Variants in DACT1 observed in about 807,000 individuals in gnomAD.
The protein encoded by DACT1 is dapper homolog 1.
In DACT1, 19 loss-of-function variants were observed where a neutral mutation model predicts 35.3. The ratio of observed to expected loss-of-function variants is 0.54; its 90% CI spans 0.38 to 0.79. The LOEUF is 0.79. DACT1 is among the 30% of genes least tolerant of loss of function. The pLI is 0.00. For synonymous variants in DACT1, 545 were observed against 466.7 expected (o/e 1.17, Z -2.16); for missense variants, 1,143 against 1,057.5 (o/e 1.08, Z -1.12).
At chr14:58,644,390 T>A (rs905812518) in intron 3 of DACT1, among the ~76,000 whole-genome samples, 1 of 152,196 alleles carries the variant, frequency 6.6e-6, no homozygotes, top group African/African-American at 2.4e-5. Context: ...ATTAAAAAAG[T>A]TTTTTTAAAT....
intron 3 of DACT1, among the ~76,000 whole-genome samples, chr14:58,643,880 A>G (rs1041710962): frequency 5.3e-5 from 8 of 150,758 alleles, no homozygotes; most frequent in African/African-American, 1.9e-4. Flanking sequence ...CAAGCTCTTT[A>G]TTGGGGGGGG....
At position 58,647,157 on chromosome 14, in the gene DACT1, T is replaced by C. The variant is rs746718663; in HGVS notation, c.*23T>C. 42 of 1,591,378 alleles carry C rather than the reference T, an allele frequency of 2.6e-5. No homozygotes were observed. Among genetic ancestry groups the C allele is most frequent in the Non-Finnish European group, 3.6e-5 (42 of 1,174,380 alleles). On this transcript the variant is annotated 3_prime_UTR_variant, in exon 4 of 4. Transcript: ENST00000395153. ...TGAGTGACATCATTGGTGTAGAAAG[T>C]TTGTGTGTTTTTTTTTCTTCTCCCT...
Position 58,646,336 on chromosome 14 carries a change from G to A in DACT1, c.1602G>A (p.Arg534=), listed in dbSNP as rs371037162. 2.2e-5 allele frequency: 36 copies of A among 1,608,734 alleles called. No homozygotes were observed. The African/African-American group carries it at 4.4e-4, about 20-fold the overall frequency. ...AGCAGCCCAGTGTCAGGCTCCACCGGGGCCACAGGAACATGGGCGTCGTGA... is the reference window on the plus strand; with the variant it reads ...AGCAGCCCAGTGTCAGGCTCCACCGAGGCCACAGGAACATGGGCGTCGTGA... The part of the protein sequence containing the change: ...PGQQPSVRLH[R]GHRNMGVVKN... The change falls in exon 4 of 4, where the codon CGG becomes CGA. Residue 534 remains arginine (R), a synonymous_variant. Transcript: ENST00000395153.
Position 58,646,549 on chromosome 14 carries a change from T to C in DACT1, c.1815T>C (p.Val605=), listed in dbSNP as rs1049344805. 1 of 1,555,916 alleles carries C rather than the reference T, an allele frequency of 6.4e-7. No individual in the cohort carries two copies. The highest frequency in any genetic ancestry group is 1.7e-4 in the Middle Eastern group (1 of 5,824). The change falls in exon 4 of 4, where the codon GTT becomes GTC. Residue 605 remains valine, a synonymous_variant. Transcript: ENST00000395153. ...GTGGGGGCGGGCCCGAGGCTGGTGT[T>C]CCCGGCAGGCCCGCGGGCGGGGGCC... The part of the protein sequence containing the change: ...RKSGGGPEAG[V]PGRPAGGGHR...
Position 58,645,700 on chromosome 14 carries a change from A to C in DACT1, c.966A>C (p.Arg322Ser). 6.2e-7 allele frequency: 1 copy of C among 1,614,230 alleles called. No homozygotes were observed. Among genetic ancestry groups the C allele is most frequent in the Non-Finnish European group, 8.5e-7 (1 of 1,180,044 alleles). Residue 322 changes from arginine to serine, a missense_variant, in exon 4 of 4, where the codon AGA becomes AGC. Around this residue, in one of 3 missense-constraint regions of DACT1, gnomAD observed 1,054 missense variants for 958.8 expected, o/e 1.10. Transcript: ENST00000395153. ...ACCCTGTAAGGACCAACAAACCAAG[A>C]ACCAGCGTGAACGCTGACCCCACGA... ...KTHPVRTNKP[R>S]TSVNADPTKG...
At chr14:58,637,747 G>A (rs2047584514), upstream of DACT1, among the ~76,000 whole-genome samples, 1 of 144,864 alleles carries the variant, frequency 6.9e-6, no homozygotes, top group Admixed American at 6.8e-5. Context: ...GGGCGAGGAG[G>A]CCCGCGAAGA....
At chr14:58,639,276 T>A (rs1456740679) in intron 1 of DACT1, 1 of 984,914 alleles carries the variant, frequency 1.0e-6, no homozygotes, top group African/African-American at 1.7e-5. Flanking sequence ...AGCATTTATC[T>A]TACTGGGTTT....
chr14:58,639,702 G>C (rs1403308822), intron 1 of DACT1, among the ~76,000 whole-genome samples: 2 of 152,194 alleles, frequency 1.3e-5, no homozygotes, highest in African/African-American at 2.4e-5. Context: ...TAAGTCAAAA[G>C]ACAAGAGGCG....
At position 58,645,989 on chromosome 14, in the gene DACT1, G is replaced by T. The variant is rs1335438354; in HGVS notation, c.1255G>T (p.Ala419Ser). 2 of 1,613,844 alleles carry T rather than the reference G, an allele frequency of 1.2e-6. No homozygotes were observed. The highest frequency in any genetic ancestry group is 1.7e-5 in the Admixed American group (1 of 60,028). ...TCAGAGTAAGCACCTGCCAAAAACG[G>T]CCAAGCCAGCCTCGCAAGAACATGC... ...DLQSKHLPKT[A>S]KPASQEHARC... Residue 419 changes from alanine (A) to serine (S), a missense_variant, in exon 4 of 4, where the codon GCC (alanine) becomes TCC (serine). Around this residue, in one of 3 missense-constraint regions of DACT1, gnomAD observed 1,054 missense variants for 958.8 expected, o/e 1.10. Coordinates refer to ENST00000395153, the MANE Select transcript of DACT1 (RefSeq NM_001079520.2).
At position 58,647,117 on chromosome 14, in the gene DACT1, C is replaced by G; in HGVS notation, c.2383C>G (p.Leu795Val). 6.2e-7 allele frequency: 1 copy of G among 1,614,010 alleles called. No homozygotes were observed. The highest frequency in any genetic ancestry group is 8.5e-7 in the Non-Finnish European group (1 of 1,180,010). Residue 795 changes from leucine to valine, a missense_variant, in exon 4 of 4, where the codon CTG becomes GTG. Around this residue, in one of 3 missense-constraint regions of DACT1, gnomAD observed 1,054 missense variants for 958.8 expected, o/e 1.10. Transcript: ENST00000395153. Reference protein sequence around the residue: ...ILRFRSGSLKLMTTV With the variant: ...ILRFRSGSLKVMTTV ...CCGCTTTCGGTCTGGCTCTTTGAAA[C>G]TGATGACGACGGTTTGAGTGACATC... is the stretch of plus-strand genomic sequence containing the variant.
chr14:58,638,058 C>T lies in DACT1; in HGVS notation c.-145C>T. 3.4e-6 allele frequency: 3 copies of T among 873,926 alleles called. No individual in the cohort carries two copies. The highest frequency in any genetic ancestry group is 4.4e-6 in the Non-Finnish European group (3 of 675,460). The allele number at this position is 873,926 out of a possible 1,614,324, so 54.1% of individuals were successfully genotyped here. The stretch of plus-strand genomic sequence containing the variant: ...GCAGCCGGCGGTCGCGCGCAGGACT[C>T]GAGGGCTTCTAGCCACCGTCCCCGC... On this transcript the variant is annotated 5_prime_UTR_variant, in exon 1 of 4. Coordinates refer to ENST00000395153, the MANE Select transcript of DACT1 (RefSeq NM_001079520.2).
chr14:58,646,183 G>A lies in DACT1; in HGVS notation c.1449G>A (p.Pro483=), dbSNP rs1003511594. The A allele has an allele frequency of 1.9e-6, 3 of 1,613,596 alleles. No homozygotes were observed. The highest frequency in any genetic ancestry group is 2.5e-6 in the Non-Finnish European group (3 of 1,179,884). Reference sequence around the variant, plus strand: ...AAAACAGCCTGCAGGGCGTCCCCCCGGCCACTCCTCCCCTGCTGTCTACAG... The same window carrying A: ...AAAACAGCCTGCAGGGCGTCCCCCCAGCCACTCCTCCCCTGCTGTCTACAG... The part of the protein sequence containing the change: ...SQKNSLQGVP[P]ATPPLLSTAF... The change falls in exon 4 of 4, where the codon CCG becomes CCA. Residue 483 remains proline, a synonymous_variant. Transcript: ENST00000395153.
rs144700196 is a variant in DACT1, at chr14:58,645,742, C to T, written c.1008C>T (p.Asn336=). 8.7e-5 allele frequency: 140 copies of T among 1,614,068 alleles called. 2 individuals are homozygous for T. The African/African-American group carries it at 1.3e-3, about 15-fold the overall frequency. Residue 336 remains asparagine (N), a synonymous_variant, in exon 4 of 4, where the codon AAC becomes AAT. Coordinates refer to ENST00000395153, the MANE Select transcript of DACT1 (RefSeq NM_001079520.2). ...NADPTKGLLR[N]GSVCVRAPGG... ...ACCCCACGAAAGGGCTTCTGAGGAACGGGAGCGTTTGTGTCAGAGCCCCGG... is the reference window on the plus strand; with the variant it reads ...ACCCCACGAAAGGGCTTCTGAGGAATGGGAGCGTTTGTGTCAGAGCCCCGG...
In DACT1 at chr14:58,638,069, A is replaced by G. The variant is rs879545802; in HGVS notation, c.-134A>G. 5.1e-6 allele frequency: 5 copies of G among 981,228 alleles called. No individual in the cohort carries two copies. Among genetic ancestry groups the G allele is most frequent in the Admixed American group, 4.6e-5 (1 of 21,800 alleles). 60.8% of individuals were successfully genotyped at this position (981,228 alleles called of 1,614,324 possible). On this transcript the variant is annotated 5_prime_UTR_variant, in exon 1 of 4. Coordinates refer to ENST00000395153, the MANE Select transcript of DACT1 (RefSeq NM_001079520.2). ...TCGCGCGCAGGACTCGAGGGCTTCT[A>G]GCCACCGTCCCCGCCAGCGCCGCGC...
intron 1 of DACT1, chr14:58,638,882 A>C: frequency 9.5e-7 from 1 of 1,047,166 alleles, no homozygotes; most frequent in Non-Finnish European, 1.1e-6. Context: ...AGATGAGTAT[A>C]TGCCCTCTCC....
Position 58,638,195 on chromosome 14 carries a change from T to TG in DACT1, c.-3dup. The stretch of plus-strand genomic sequence containing the variant: ...GCGGTGACGGCTCTCGCTGCCCGAC[T>TG]GGGGGCCATGAAGCCGAGTCCGGCC... On this transcript the variant is annotated 5_prime_UTR_variant, in exon 1 of 4. Transcript: ENST00000395153. 7.6e-7 allele frequency: 1 copy of TG among 1,316,078 alleles called. No homozygotes were observed. The allele number at this position is 1,316,078 out of a possible 1,614,324, so 81.5% of individuals were successfully genotyped here. A position where few individuals can be genotyped will look rare whatever the true frequency, so the allele number is the denominator to read the frequency against.
chr14:58,645,138 G>A, intron 3 of DACT1: 1 of 788,396 alleles, frequency 1.3e-6, no homozygotes, highest in Non-Finnish European at 2.0e-6. Flanking sequence ...TGGTAGGGCA[G>A]CACTTTTTAA....
upstream of DACT1, among the ~76,000 whole-genome samples, chr14:58,634,775 G>C (rs932967871): frequency 6.6e-6 from 1 of 152,230 alleles, no homozygotes; most frequent in Non-Finnish European, 1.5e-5. Flanking sequence ...GCTGGACAAG[G>C]CATTTGTAGA....
At position 58,646,802 on chromosome 14, in the gene DACT1, T is replaced by A; in HGVS notation, c.2068T>A (p.Ser690Thr). ...YAYVASDSEY[S>T]AECESLFHST... ...CTACGTGGCTAGCGACTCCGAGTAC[T>A]CGGCCGAGTGCGAGTCCCTGTTCCA... The change falls in exon 4 of 4, where the codon TCG becomes ACG. Residue 690 changes from serine (S) to threonine (T), a missense_variant. Around this residue, in one of 3 missense-constraint regions of DACT1, gnomAD observed 1,054 missense variants for 958.8 expected, o/e 1.10. Coordinates refer to ENST00000395153, the MANE Select transcript of DACT1 (RefSeq NM_001079520.2). 1 of 1,614,128 alleles carries A rather than the reference T, an allele frequency of 6.2e-7. No homozygotes were observed.
Sources: gnomAD v4.1 joint callset for allele counts (sites outside exome capture counted in the v4.1 genomes callset) on GRCh38, gnomAD v4.1.1 for gene constraint, gnomAD v4.1.1 regional missense constraint, MANE v1.5 for transcripts, NCBI Gene and HGNC (gene_info 2026-07-23, HGNC 2026-07-21) for gene names.